MBNL1: variants seen among roughly 807,000 people sequenced by gnomAD.
MBNL1 encodes muscleblind like splicing regulator 1.
MBNL1 carries 8 observed loss-of-function variants against 42.2 expected under a neutral mutation model. The ratio of observed to expected loss-of-function variants is 0.19; its 90% CI spans 0.11 to 0.34. MBNL1 has a LOEUF of 0.34. Among genes scored for constraint, MBNL1 ranks in the 10% least tolerant of loss-of-function variants. The probability of loss-of-function intolerance (pLI) is 1.00; values close to 1 mark genes in which losing one functional copy is unlikely to be tolerated. For synonymous variants in MBNL1, 169 were observed against 173.9 expected (o/e 0.97, Z 0.22); for missense variants, 309 against 495.3 (o/e 0.62, Z 3.57).
At chr3:152,436,180 T>G (rs2153793373) in intron 4 of MBNL1, among the ~76,000 whole-genome samples, 1 of 152,326 alleles carries the variant, frequency 6.6e-6, no homozygotes, top group East Asian at 1.9e-4. Context: ...TTATTATTTA[T>G]TAACTTTTGT....
At chr3:152,348,394 A>G (rs983724984) in intron 2 of MBNL1, among the ~76,000 whole-genome samples, 1 of 152,148 alleles carries the variant, frequency 6.6e-6, no homozygotes, top group African/African-American at 2.4e-5. Flanking sequence ...TAGGTAACAC[A>G]TTATTCTTCC....
intron 1 of MBNL1, among the ~76,000 whole-genome samples, chr3:152,298,236 G>A (rs1469491332): frequency 6.6e-6 from 1 of 152,104 alleles, no homozygotes; most frequent in East Asian, 1.9e-4. Flanking sequence ...TCTTTAAAAT[G>A]TGAAAATTTT....
At chr3:152,334,379 G>A (rs749393735) in intron 2 of MBNL1, among the ~76,000 whole-genome samples, 1 of 152,158 alleles carries the variant, frequency 6.6e-6, no homozygotes, top group African/African-American at 2.4e-5. Flanking sequence ...AATCAGTTAG[G>A]TAAATGCATT....
chr3:152,421,349 G>T (rs2098801625), intron 3 of MBNL1, among the ~76,000 whole-genome samples: 1 of 152,156 alleles, frequency 6.6e-6, no homozygotes, highest in Admixed American at 6.5e-5. Context: ...CTGAAGCCAG[G>T]GAGCCGAGTG....
intron 1 of MBNL1, among the ~76,000 whole-genome samples, chr3:152,282,572 A>G (rs2049105793): frequency 6.6e-6 from 1 of 152,180 alleles, no homozygotes; most frequent in African/African-American, 2.4e-5. Flanking sequence ...GTAAACAGTT[A>G]TAAAATTTAG....
intron 2 of MBNL1, among the ~76,000 whole-genome samples, chr3:152,347,027 T>A (rs934425094): frequency 6.6e-6 from 1 of 151,992 alleles, no homozygotes; most frequent in Non-Finnish European, 1.5e-5. Context: ...AAAATTTTTT[T>A]AAAAATAAGA....
intron 2 of MBNL1, among the ~76,000 whole-genome samples, chr3:152,400,946 CTT>C (rs1008505432): frequency 6.6e-6 from 1 of 152,212 alleles, no homozygotes; most frequent in Non-Finnish European, 1.5e-5. Context: ...AACCTGTGGT[CTT>C]CAGAGTAGCC....
intron 2 of MBNL1, among the ~76,000 whole-genome samples, chr3:152,364,441 A>G (rs2096230659): frequency 6.6e-6 from 1 of 152,070 alleles, no homozygotes; most frequent in East Asian, 1.9e-4. Flanking sequence ...GGAAGGATAA[A>G]TTCATTACAT....
intron 2 of MBNL1, among the ~76,000 whole-genome samples, chr3:152,370,819 G>T (rs900468588): frequency 2.0e-4 from 31 of 151,310 alleles, no homozygotes; most frequent in African/African-American, 7.5e-4. Context: ...AGGATTGCAG[G>T]ATTGCAACCC....
At chr3:152,281,554 T>C (rs2048493539) in intron 1 of MBNL1, among the ~76,000 whole-genome samples, 1 of 152,110 alleles carries the variant, frequency 6.6e-6, no homozygotes, top group African/African-American at 2.4e-5. Flanking sequence ...TTAGTTCTAC[T>C]CATACCTAAT....
intron 2 of MBNL1, among the ~76,000 whole-genome samples, chr3:152,366,702 CAA>C (rs1197223733): frequency 6.6e-6 from 1 of 152,066 alleles, no homozygotes; most frequent in African/African-American, 2.4e-5. Flanking sequence ...AAGGAAGAAA[CAA>C]TATCACAGCC....
chr3:152,461,245 G>C (rs1166690872), intron 9 of MBNL1, among the ~76,000 whole-genome samples: 1 of 152,220 alleles, frequency 6.6e-6, no homozygotes, highest in Non-Finnish European at 1.5e-5. Flanking sequence ...CTCAACTGGA[G>C]AAGTACTGCC....
intron 2 of MBNL1, among the ~76,000 whole-genome samples, chr3:152,307,238 C>T (rs2063653428): frequency 6.6e-6 from 1 of 152,214 alleles, no homozygotes; most frequent in African/African-American, 2.4e-5. Flanking sequence ...ATCAGCCCGC[C>T]TTGGCCTTCC....
At chr3:152,434,167 C>T (rs1021537888) in intron 4 of MBNL1, among the ~76,000 whole-genome samples, 3 of 152,132 alleles carry the variant, frequency 2.0e-5, no homozygotes, top group Admixed American at 2.0e-4. Flanking sequence ...AAGCGCAATA[C>T]CCAATAGGTA....
intron 2 of MBNL1, among the ~76,000 whole-genome samples, chr3:152,334,315 A>G (rs2087753238): frequency 2.0e-5 from 3 of 152,220 alleles, no homozygotes; most frequent in African/African-American, 7.2e-5. Flanking sequence ...TATTTAAATT[A>G]TACAAAAAAA....
intron 4 of MBNL1, among the ~76,000 whole-genome samples, chr3:152,438,157 AAAAG>A (rs1326052154): frequency 6.6e-6 from 1 of 152,214 alleles, no homozygotes; most frequent in East Asian, 1.9e-4. Context: ...TTATGGTGCA[AAAAG>A]AATTCATGAA....
chr3:152,373,465 C>A (rs1210512508), intron 2 of MBNL1, among the ~76,000 whole-genome samples: 3 of 151,814 alleles, frequency 2.0e-5, no homozygotes, highest in Non-Finnish European at 4.4e-5. Flanking sequence ...ATCTCCTGGT[C>A]TGTGGGTTGT....
At chr3:152,424,600 C>CA (rs1258906355) in intron 3 of MBNL1, among the ~76,000 whole-genome samples, 1 of 151,582 alleles carries the variant, frequency 6.6e-6, no homozygotes, top group Non-Finnish European at 1.5e-5. Context: ...CATATGGAAC[C>CA]AAAAAACAGC....
At chr3:152,338,649 A>G in intron 2 of MBNL1, 3 of 985,388 alleles carry the variant, frequency 3.0e-6, no homozygotes, top group Non-Finnish European at 3.6e-6. Context: ...AAGCACCAAG[A>G]AACCTCTCCA....
Sources: allele counts gnomAD v4.1 joint callset (sites outside exome capture counted in the v4.1 genomes callset), GRCh38; gene constraint gnomAD v4.1.1; transcripts MANE v1.5; gene names NCBI Gene and HGNC (gene_info 2026-07-23, HGNC 2026-07-21).